BBS9: variants seen among roughly 807,000 people sequenced by gnomAD.
BBS9 encodes the protein Bardet-Biedl syndrome 9, also known as protein PTHB1.
Under a neutral mutation model 117.7 loss-of-function variants are expected in BBS9, and 89 were observed. That is an observed-to-expected ratio of 0.76 (90% confidence interval 0.64 to 0.90). The LOEUF is 0.90. Ranked by LOEUF, BBS9 falls within the 40% of genes least tolerant of loss-of-function variation. The probability of loss-of-function intolerance (pLI) is 0.00; values close to 1 mark genes in which losing one functional copy is unlikely to be tolerated. For missense variants in BBS9, 982 were observed against 1,042.2 expected (o/e 0.94, Z 0.80); for synonymous variants, 379 against 370.9 (o/e 1.02, Z -0.25).
At chr7:33,239,550 C>G (rs984018279) in intron 5 of BBS9, among the ~76,000 whole-genome samples, 1 of 152,146 alleles carries the variant, frequency 6.6e-6, no homozygotes. Flanking sequence ...GCTGGGATTA[C>G]AGGCACGTGC....
intron 20 of BBS9, among the ~76,000 whole-genome samples, chr7:33,517,486 G>C (rs58866029): frequency 0.056 from 8,590 of 152,254 alleles, 265 homozygotes; most frequent in African/African-American, 0.092. Flanking sequence ...CTTTATGCAG[G>C]GTAAGTGTGA....
chr7:33,453,867 A>G (rs1838256662), intron 19 of BBS9, among the ~76,000 whole-genome samples: 1 of 152,202 alleles, frequency 6.6e-6, no homozygotes, highest in Admixed American at 6.5e-5. Context: ...ACAGTATATA[A>G]TACATATATT....
At chr7:33,484,856 C>A (rs936440183) in intron 19 of BBS9, among the ~76,000 whole-genome samples, 1 of 152,116 alleles carries the variant, frequency 6.6e-6, no homozygotes, top group Admixed American at 6.6e-5. Context: ...ATATTCATTG[C>A]AGCACTATTC....
chr7:33,635,277 G>T lies in BBS9; in HGVS notation c.*6G>T, dbSNP rs1015530696. Among the ~76,000 whole-genome samples, 3 of 152,206 alleles carry T rather than the reference G, an allele frequency of 2.0e-5. No homozygotes were observed. Among genetic ancestry groups the T allele is most frequent in the African/African-American group, 7.2e-5 (3 of 41,460 alleles). ...TGGAGGGACCCAAAAGCTAAGCGGG[G>T]TCAATCAGACACCTTCCCTGGGATG... On this transcript the variant is annotated 3_prime_UTR_variant, in exon 22 of 22. Transcript: ENST00000671952.
intron 7 of BBS9, among the ~76,000 whole-genome samples, chr7:33,266,538 G>A (rs1339397568): frequency 6.6e-6 from 1 of 152,158 alleles, no homozygotes; most frequent in Non-Finnish European, 1.5e-5. Context: ...CACCTGAAAA[G>A]AATGTGTATT....
chr7:33,435,941 C>G (rs2128887395), intron 19 of BBS9, among the ~76,000 whole-genome samples: 1 of 152,236 alleles, frequency 6.6e-6, no homozygotes, highest in African/African-American at 2.4e-5. Flanking sequence ...ATTCCTTGGG[C>G]TAGAGGTATC....
rs140954138 is a variant in BBS9, at chr7:33,192,352, G to A, written c.442+14761G>A. 2.7e-3 allele frequency among the ~76,000 whole-genome samples: 413 copies of A among 152,252 alleles called. 1 individual carries two copies. The highest frequency in any genetic ancestry group is 9.7e-3 in the African/African-American group (402 of 41,546). Reference sequence around the variant, plus strand: ...GGTCAAGCTGCAAATAGGAAAAGTGGCATATTATAAGATATTCCTAAATAT... The same window carrying A: ...GGTCAAGCTGCAAATAGGAAAAGTGACATATTATAAGATATTCCTAAATAT... On this transcript the variant is annotated intron_variant, in intron 5 of 22. Coordinates refer to ENST00000242067, the MANE Select transcript of BBS9 (RefSeq NM_198428.3).
At chr7:33,405,795 G>A (rs1433626279) in intron 19 of BBS9, among the ~76,000 whole-genome samples, 1 of 152,090 alleles carries the variant, frequency 6.6e-6, no homozygotes, top group East Asian at 1.9e-4. Context: ...CAAAAAACCA[G>A]CTCCTGGATT....
At chr7:33,495,933 A>C (rs1183347097) in intron 19 of BBS9, among the ~76,000 whole-genome samples, 4 of 152,108 alleles carry the variant, frequency 2.6e-5, no homozygotes, top group African/African-American at 9.7e-5. Context: ...AATGTCTCAG[A>C]AATAATTTGT....
In BBS9 at chr7:33,424,955, T is replaced by G. The variant is rs536544427; in HGVS notation, c.2115+36811T>G. On this transcript the variant is annotated intron_variant, in intron 19 of 22. Coordinates refer to ENST00000242067, the MANE Select transcript of BBS9 (RefSeq NM_198428.3). ...AAGTTTATGATTTTTTGGATATAAATTAATATTTTAAAAATGTTTATTGAC... is the reference window on the plus strand; with the variant it reads ...AAGTTTATGATTTTTTGGATATAAAGTAATATTTTAAAAATGTTTATTGAC... Among the ~76,000 whole-genome samples the G allele has an allele frequency of 6.9e-4, 105 of 152,250 alleles. 2 individuals carry two copies. The South Asian group carries it at 0.021, about 30-fold the overall frequency.
intron 19 of BBS9, among the ~76,000 whole-genome samples, chr7:33,441,749 C>T (rs1245652083): frequency 1.3e-5 from 2 of 152,138 alleles, no homozygotes; most frequent in Non-Finnish European, 2.9e-5. Flanking sequence ...GATTTGATTT[C>T]TTTCCTAAGA....
chr7:33,197,990 T>C (rs1179424890), intron 5 of BBS9, among the ~76,000 whole-genome samples: 1 of 152,010 alleles, frequency 6.6e-6, no homozygotes, highest in Non-Finnish European at 1.5e-5. Context: ...CAGTCACTTC[T>C]GGCTAACTTA....
intron 5 of BBS9, among the ~76,000 whole-genome samples, chr7:33,250,292 C>A (rs1395251200): frequency 6.6e-6 from 1 of 152,134 alleles, no homozygotes; most frequent in Non-Finnish European, 1.5e-5. Flanking sequence ...AAATGTTTAA[C>A]AGAAGGCCAG....
chr7:33,458,003 C>G (rs1253915396), intron 19 of BBS9, among the ~76,000 whole-genome samples: 1 of 152,126 alleles, frequency 6.6e-6, no homozygotes, highest in Non-Finnish European at 1.5e-5. Flanking sequence ...AGTCTTTTAG[C>G]TCTGAGACAA....
intron 19 of BBS9, chr7:33,390,346 G>A (rs1450469397): frequency 3.0e-6 from 3 of 985,112 alleles, no homozygotes; most frequent in Non-Finnish European, 3.6e-6. Flanking sequence ...AAAGTGCAGA[G>A]GTTTTTATTT....
intron 19 of BBS9, among the ~76,000 whole-genome samples, chr7:33,409,815 A>G (rs546882090): frequency 6.6e-6 from 1 of 152,214 alleles, no homozygotes; most frequent in African/African-American, 2.4e-5. Context: ...CAAATTTACC[A>G]TATACATTTC....
At chr7:33,590,513 T>C (rs1861736165) in intron 21 of BBS9, among the ~76,000 whole-genome samples, 1 of 148,230 alleles carries the variant, frequency 6.7e-6, no homozygotes, top group Admixed American at 6.8e-5. Flanking sequence ...TTTATTTGAA[T>C]ATTTAACCCA....
At chr7:33,264,815 G>C (rs1025644448) in intron 7 of BBS9, among the ~76,000 whole-genome samples, 4 of 152,018 alleles carry the variant, frequency 2.6e-5, no homozygotes, top group Non-Finnish European at 4.4e-5. Context: ...CTTAAGATTT[G>C]TTAAGCTTCT....
intron 9 of BBS9, among the ~76,000 whole-genome samples, chr7:33,315,453 CCA>C (rs543930972): frequency 2.2e-4 from 33 of 152,142 alleles, no homozygotes; most frequent in Non-Finnish European, 4.6e-4. Context: ...CCAAAGCAAG[CCA>C]CAAAGTCAGT....
Sources: gnomAD v4.1 joint callset for allele counts (sites outside exome capture counted in the v4.1 genomes callset) on GRCh38, gnomAD v4.1.1 for gene constraint, MANE v1.5 for transcripts, NCBI Gene and HGNC (gene_info 2026-07-23, HGNC 2026-07-21) for gene names.